Variants in PRKCH observed in about 807,000 individuals in gnomAD.
PRKCH encodes protein kinase C eta.
In PRKCH, 28 loss-of-function variants were observed where a neutral mutation model predicts 82.5. The ratio of observed to expected loss-of-function variants is 0.34; its 90% CI spans 0.25 to 0.47. PRKCH has a LOEUF of 0.47. Ranked by LOEUF, PRKCH falls within the 20% of genes least tolerant of loss-of-function variation. The probability of loss-of-function intolerance (pLI) is 1.00; values close to 1 mark genes in which losing one functional copy is unlikely to be tolerated. For synonymous variants in PRKCH, 322 were observed against 327.4 expected (o/e 0.98, Z 0.18); for missense variants, 705 against 881.8 (o/e 0.80, Z 2.54).
chr14:61,230,581 T>C (rs544086642), intron 1 of PRKCH, among the ~76,000 whole-genome samples: 200 of 152,258 alleles, frequency 1.3e-3, no homozygotes, highest in Non-Finnish European at 2.1e-3. Flanking sequence ...TTAAATTGCA[T>C]GCATCTTCAG....
chr14:61,266,993 TA>T (rs1213592631), intron 1 of PRKCH, among the ~76,000 whole-genome samples: 1 of 152,164 alleles, frequency 6.6e-6, no homozygotes, highest in Admixed American at 6.5e-5. Flanking sequence ...CAAGTCTAAA[TA>T]GACTGGGAGG....
At chr14:61,489,129 G>T (rs1594757261) in intron 10 of PRKCH, among the ~76,000 whole-genome samples, 1 of 152,150 alleles carries the variant, frequency 6.6e-6, no homozygotes, top group African/African-American at 2.4e-5. Context: ...GTCACAGAGG[G>T]TGTGGTTTTG....
At chr14:61,266,375 G>T (rs1451570379) in intron 1 of PRKCH, among the ~76,000 whole-genome samples, 1 of 152,140 alleles carries the variant, frequency 6.6e-6, no homozygotes, top group Non-Finnish European at 1.5e-5. Context: ...CTGAGATTGT[G>T]CCACTGAACT....
intron 9 of PRKCH, among the ~76,000 whole-genome samples, chr14:61,462,120 G>A (rs947681762): frequency 1.3e-5 from 2 of 152,210 alleles, no homozygotes; most frequent in African/African-American, 4.8e-5. Context: ...CTTCAAAGAA[G>A]CAAGTGAGGC....
At chr14:61,492,480 C>T (rs975012909) in intron 10 of PRKCH, among the ~76,000 whole-genome samples, 1 of 152,184 alleles carries the variant, frequency 6.6e-6, no homozygotes, top group African/African-American at 2.4e-5. Context: ...ATATTCTCTT[C>T]GGATGACTCA....
chr14:61,210,754 TTCTCTC>T (rs57385240), intron 1 of PRKCH, among the ~76,000 whole-genome samples: 7,179 of 144,326 alleles, frequency 0.05, 495 homozygotes, highest in African/African-American at 0.16. Flanking sequence ...CAAGAGTCCT[TTCTCTC>T]TCTCTCTCTC....
chr14:61,293,542 T>C (rs1445029442), intron 1 of PRKCH, among the ~76,000 whole-genome samples: 1 of 152,230 alleles, frequency 6.6e-6, no homozygotes, highest in African/African-American at 2.4e-5. Flanking sequence ...ACAAACGGAA[T>C]ACTCAACCAG....
At chr14:61,430,657 T>G (rs1027736207) in intron 2 of PRKCH, among the ~76,000 whole-genome samples, 1 of 152,124 alleles carries the variant, frequency 6.6e-6, no homozygotes, top group African/African-American at 2.4e-5. Flanking sequence ...GTCAGGTGGT[T>G]GTTAAACTGT....
chr14:61,456,892 C>T, intron 7 of PRKCH: 1 of 307,118 alleles, frequency 3.3e-6, no homozygotes, highest in Non-Finnish European at 6.1e-6. Context: ...AGGGACCACA[C>T]AAGGCATTGG....
At chr14:61,387,189 A>G (rs924458097) in intron 1 of PRKCH, among the ~76,000 whole-genome samples, 1 of 152,224 alleles carries the variant, frequency 6.6e-6, no homozygotes, top group African/African-American at 2.4e-5. Flanking sequence ...TTTTGTGCTC[A>G]AACCTGAACC....
At chr14:61,311,750 C>T (rs866549948) in intron 1 of PRKCH, among the ~76,000 whole-genome samples, 10 of 152,320 alleles carry the variant, frequency 6.6e-5, no homozygotes, top group African/African-American at 1.7e-4. Flanking sequence ...AAACTTATTT[C>T]GGTTGGTGCA....
At chr14:61,499,111 G>A (rs1594765137) in intron 10 of PRKCH, among the ~76,000 whole-genome samples, 2 of 152,284 alleles carry the variant, frequency 1.3e-5, no homozygotes, top group Admixed American at 1.3e-4. Context: ...ATTTTGAGGT[G>A]TGTTGAGACC....
chr14:61,449,935 C>G (rs1369665887), intron 5 of PRKCH, among the ~76,000 whole-genome samples: 1 of 149,966 alleles, frequency 6.7e-6, no homozygotes, highest in Non-Finnish European at 1.5e-5. Context: ...TGTGTATAAG[C>G]TTCAACATCA....
intron 1 of PRKCH, among the ~76,000 whole-genome samples, chr14:61,310,341 T>C (rs1368852721): frequency 1.3e-5 from 2 of 152,120 alleles, no homozygotes; most frequent in Non-Finnish European, 2.9e-5. Context: ...ACAATGGGGG[T>C]ACAGGCATTC....
In PRKCH at chr14:61,202,383, G is replaced by C. The variant is rs998552167; in HGVS notation, c.-19+14715G>C. 3.9e-5 allele frequency among the ~76,000 whole-genome samples: 6 copies of C among 152,276 alleles called. No individual in the cohort carries two copies. The South Asian group carries it at 1.2e-3, about 32-fold the overall frequency. On this transcript the variant is annotated intron_variant, in intron 1 of 3. Transcript: ENST00000555185. ...AGGGCACAAAAAGCCTCAAGGTTTC[G>C]CCTTAAGGGTGGATGGGGTACATGA...
rs533583410 is a variant in PRKCH, at chr14:61,395,569, G to A, written c.427+4281G>A. ...GAGGCACTGTCAAAGCTCAGGAAATGTTGGCTGATCCTCAGTCTGTCTCAC... is the reference window on the plus strand; with the variant it reads ...GAGGCACTGTCAAAGCTCAGGAAATATTGGCTGATCCTCAGTCTGTCTCAC... On this transcript the variant is annotated intron_variant, in intron 2 of 13. Transcript: ENST00000332981. Among the ~76,000 whole-genome samples the A allele has an allele frequency of 2.2e-4, 33 of 152,262 alleles. No homozygotes were observed. The South Asian group carries it at 6.8e-3, about 32-fold the overall frequency.
chr14:61,459,713 C>T (rs543321293), intron 9 of PRKCH, among the ~76,000 whole-genome samples: 4 of 152,172 alleles, frequency 2.6e-5, no homozygotes, highest in Non-Finnish European at 5.9e-5. Context: ...AAGTATTGCT[C>T]GTTTTATTTA....
intron 10 of PRKCH, chr14:61,525,533 G>C (rs1338112829): frequency 6.6e-6 from 1 of 152,204 alleles, no homozygotes; most frequent in African/African-American, 2.4e-5. Context: ...CCCATGCAGA[G>C]CTGATTGTAA....
chr14:61,379,810 T>A (rs139245080), intron 1 of PRKCH, among the ~76,000 whole-genome samples: 2 of 152,310 alleles, frequency 1.3e-5, no homozygotes, highest in African/African-American at 4.8e-5. Context: ...TAGTACCTCT[T>A]CCTAGTAAGG....
Sources: gnomAD v4.1 joint callset for allele counts (sites outside exome capture counted in the v4.1 genomes callset) on GRCh38, gnomAD v4.1.1 for gene constraint, MANE v1.5 for transcripts, NCBI Gene and HGNC (gene_info 2026-07-23, HGNC 2026-07-21) for gene names.